The following KIF1A variants were observed in gnomAD, a reference collection of about 807,000 sequenced individuals.
The protein encoded by KIF1A is kinesin family member 1A, also known as kinesin-like protein KIF1A.
Under a neutral mutation model 227.3 loss-of-function variants are expected in KIF1A, and 46 were observed. The observed-to-expected ratio is 0.20, with a 90% CI of 0.16 to 0.26. The LOEUF (loss-of-function observed/expected upper bound fraction) is 0.26. Ranked by LOEUF, KIF1A falls within the 10% of genes least tolerant of loss-of-function variation. KIF1A has a pLI of 1.00. For synonymous variants in KIF1A, 1,022 were observed against 1,012.8 expected, an observed-to-expected ratio of 1.01 and a Z score of -0.17; for missense variants, 1,683 against 2,485.9, an observed-to-expected ratio of 0.68 and a Z score of 6.87.
In KIF1A at chr2:240,796,400, C is replaced by T. The variant is rs527619897; in HGVS notation, c.106+1247G>A. On this transcript the variant is annotated intron_variant, in intron 2 of 48. Coordinates refer to ENST00000498729, the MANE Select transcript of KIF1A (RefSeq NM_001244008.2). Reference sequence around the variant, plus strand: ...CCGGTAGGTGCATTGTGTTCATCCACGGGCCCCGGCAAGGCCAGGGCCCCG... The same window carrying T: ...CCGGTAGGTGCATTGTGTTCATCCATGGGCCCCGGCAAGGCCAGGGCCCCG... Among the ~76,000 whole-genome samples the T allele has an allele frequency of 7.2e-5, 11 of 152,314 alleles. No homozygotes were observed. The East Asian group carries it at 1.5e-3, about 21-fold the overall frequency.
intron 1 of KIF1A, among the ~76,000 whole-genome samples, chr2:240,800,540 A>T (rs1376088899): frequency 6.6e-6 from 1 of 152,226 alleles, no homozygotes; most frequent in Non-Finnish European, 1.5e-5. Context: ...GAGACTGGGA[A>T]TCTGGAGTCT....
At chr2:240,742,432 CCA>C (rs1356920278) in intron 34 of KIF1A, among the ~76,000 whole-genome samples, 4 of 152,182 alleles carry the variant, frequency 2.6e-5, no homozygotes, top group African/African-American at 9.7e-5. Flanking sequence ...GAAATAAACT[CCA>C]CTCTTTTAAC....
In KIF1A at chr2:240,789,150, C is replaced by T. The variant is rs765195081; in HGVS notation, c.183+86G>A. On this transcript the variant is annotated intron_variant, in intron 3 of 48. Coordinates refer to ENST00000498729, the MANE Select transcript of KIF1A (RefSeq NM_001244008.2). This position sits in a 1 kb window ranked among gnomAD's most constrained non-coding sequence, Gnocchi z 4.8. The stretch of plus-strand genomic sequence containing the variant: ...CTCGCCCCAGTTAGAGAGGAATGAG[C>T]GGCTCAGAGAAGTTGAGGGACCCCG... The T allele has an allele frequency of 2.2e-4, 239 of 1,071,498 alleles. 1 individual carries two copies. Among genetic ancestry groups the T allele is most frequent in the Non-Finnish European group, 3.1e-4 (214 of 698,512 alleles). The allele number at this position is 1,071,498 out of a possible 1,614,324, so 66.4% of individuals were successfully genotyped here. A position where few individuals can be genotyped will look rare whatever the true frequency, so the allele number is the denominator to read the frequency against.
At chr2:240,737,204 A>G (rs2047432595) in intron 37 of KIF1A, 36 bp from the exon 38 acceptor site, 1 of 1,578,680 alleles carries the variant, frequency 6.3e-7, no homozygotes, top group Non-Finnish European at 8.7e-7. Context: ...GTCACTTCCC[A>G]GGGGGCAGGT....
Position 240,737,356 on chromosome 2 carries a change from G to A in KIF1A, c.3902-188C>T, listed in dbSNP as rs535833554. ...CTCAGCAACCCAGGTGCCATGTGTA[G>A]TTGCTGCTCCACGGTCTTTCTTGTC... On this transcript the variant is annotated intron_variant, in intron 37 of 48. Transcript: ENST00000498729. 5.5e-5 allele frequency: 30 copies of A among 547,652 alleles called. 1 individual carries two copies. The East Asian group carries it at 8.4e-4, about 15-fold the overall frequency. The allele number at this position is 547,652 out of a possible 1,614,324, so 33.9% of individuals were successfully genotyped here.
intron 12 of KIF1A, among the ~76,000 whole-genome samples, chr2:240,773,739 A>G (rs955218421): frequency 1.3e-5 from 2 of 152,206 alleles, no homozygotes; most frequent in Non-Finnish European, 2.9e-5. Context: ...CACAGTCGAA[A>G]GAAGGGAGAG....
rs201423643 is a variant in KIF1A at position 240,737,128 on chromosome 2, G to T, written c.3942C>A (p.Ile1314=). The T allele has an allele frequency of 6.2e-7, 1 of 1,613,742 alleles. No homozygotes were observed. The highest frequency in any genetic ancestry group is 8.5e-7 in the Non-Finnish European group (1 of 1,179,708). ...RNTPETDESL[I]DPNILSLNIL... is the part of the protein sequence containing the mutation. ...TGTTGAGAGACAAGATGTTGGGGTC[G>T]ATCAGGGACTCGTCGGTCTCTGGAG... The change falls in exon 38 of 49, where the codon ATC becomes ATA. Residue 1314 remains isoleucine (I), a synonymous_variant. Coordinates refer to ENST00000498729, the MANE Select transcript of KIF1A (RefSeq NM_001244008.2).
chr2:240,718,325 C>T (rs1292474511), intron 47 of KIF1A, among the ~76,000 whole-genome samples, 157 bp from the exon 48 acceptor site: 1 of 152,206 alleles, frequency 6.6e-6, no homozygotes, highest in Non-Finnish European at 1.5e-5. Context: ...CTGACCCAGC[C>T]AGGGCTGTGA....
chr2:240,721,499 C>T (rs1442628104), intron 44 of KIF1A, among the ~76,000 whole-genome samples: 1 of 152,162 alleles, frequency 6.6e-6, no homozygotes, highest in Non-Finnish European at 1.5e-5. Flanking sequence ...CTGACTGGGC[C>T]AGAGGCCACA....
At position 240,725,276 on chromosome 2, in the gene KIF1A, T is replaced by C. The variant is rs2045885205; in HGVS notation, c.4251A>G (p.Ser1417=). 1 of 1,601,396 alleles carries C rather than the reference T, an allele frequency of 6.2e-7. No individual in the cohort carries two copies. Among genetic ancestry groups the C allele is most frequent in the East Asian group, 2.3e-5 (1 of 44,286 alleles). The change falls in exon 40 of 49, where the codon TCA becomes TCG. Residue 1417 remains serine, a synonymous_variant. Transcript: ENST00000498729. This position sits in a 1 kb window ranked among gnomAD's most constrained non-coding sequence, Gnocchi z 5.8. ...CCTCACCCCTGGGAGCTTACCTCTC[T>C]GAGGCCCGAAGGCTCCCACTGCCAA... The part of the protein sequence containing the change: ...NLFGSGSLRA[S]ESNRVTGVYE...
At chr2:240,742,579 C>T (rs1469033122) in intron 34 of KIF1A, among the ~76,000 whole-genome samples, 3 of 152,202 alleles carry the variant, frequency 2.0e-5, no homozygotes, top group Non-Finnish European at 2.9e-5. Flanking sequence ...CCTCCAGCCT[C>T]AGACCCCCGT....
intron 43 of KIF1A, 80 bp from the exon 44 acceptor site, chr2:240,721,964 A>T: frequency 8.5e-7 from 1 of 1,183,074 alleles, no homozygotes; most frequent in South Asian, 1.3e-5. Context: ...TCTTCTACCC[A>T]CCCCTCCCCA....
intron 14 of KIF1A, 199 bp from the exon 15 acceptor site, chr2:240,771,303 A>G (rs1037533926): frequency 2.2e-5 from 15 of 687,160 alleles, no homozygotes; most frequent in Non-Finnish European, 1.0e-5. Flanking sequence ...AACGAGGCAC[A>G]GCAGCCCTGC....
chr2:240,759,876 A>G (rs564861776), intron 25 of KIF1A, among the ~76,000 whole-genome samples: 4 of 152,232 alleles, frequency 2.6e-5, no homozygotes, highest in African/African-American at 9.6e-5. Flanking sequence ...GCTGGGTGTC[A>G]TAGTGCACTC....
chr2:240,785,432 A>G (rs1424493354), intron 6 of KIF1A, among the ~76,000 whole-genome samples: 4 of 152,170 alleles, frequency 2.6e-5, no homozygotes, highest in African/African-American at 9.6e-5. Context: ...TGGGAGGGGA[A>G]GGGGGAAAGG....
chr2:240,721,080 G>A (rs1272505204), intron 44 of KIF1A, 42 bp from the exon 45 acceptor site: 8 of 1,606,918 alleles, frequency 5.0e-6, no homozygotes, highest in Non-Finnish European at 6.8e-6. Flanking sequence ...AGGGAAGGGG[G>A]GTCTCCGGCC....
Position 240,772,603 on chromosome 2 carries a change from G to T in KIF1A, c.1181-7C>A, listed in dbSNP as rs1182450386. 6.5e-7 allele frequency: 1 copy of T among 1,545,324 alleles called. No homozygotes were observed. Among genetic ancestry groups the T allele is most frequent in the Non-Finnish European group, 8.8e-7 (1 of 1,142,398 alleles). On this transcript the variant is annotated splice_polypyrimidine_tract_variant and splice_region_variant and intron_variant, in intron 13 of 48. Coordinates refer to ENST00000498729, the MANE Select transcript of KIF1A (RefSeq NM_001244008.2). ...CCTCCAGGCACAGTGTTGGCTATGG[G>T]GGAGGGAAGCGTGGGGGAGGGGGAG...
Position 240,725,320 on chromosome 2 carries a change from G to A in KIF1A, c.4207C>T (p.Arg1403Cys), listed in dbSNP as rs1261842321. The A allele has an allele frequency of 2.2e-5, 35 of 1,610,790 alleles. No individual in the cohort carries two copies. Among genetic ancestry groups the A allele is most frequent in the Non-Finnish European group, 2.5e-5 (30 of 1,179,142 alleles). The change falls in exon 40 of 49, where the codon CGC becomes TGC. Residue 1403 changes from arginine (R) to cysteine (C), a missense_variant. Physicochemically the swap from Arg to Cys is radical, Grantham distance 180. Around this residue, in one of 12 missense-constraint regions of KIF1A, gnomAD observed 759 missense variants for 1,020.2 expected, o/e 0.74. Transcript: ENST00000498729. This position sits in a 1 kb window ranked among gnomAD's most constrained non-coding sequence, Gnocchi z 5.8. ...YSRDAKLPAS[R>C]SIRNLFGSGS... ...CTGCCAAAGAGGTTGCGGATGGAGCGCGAGGCTGGCAGCTTGGCATCACGG... is the reference window on the plus strand; with the variant it reads ...CTGCCAAAGAGGTTGCGGATGGAGCACGAGGCTGGCAGCTTGGCATCACGG...
chr2:240,730,578 A>C (rs1432178552), intron 38 of KIF1A, among the ~76,000 whole-genome samples: 1 of 152,210 alleles, frequency 6.6e-6, no homozygotes, highest in Non-Finnish European at 1.5e-5. Flanking sequence ...CAGGGAGGCG[A>C]TCTAACAGGC....
Sources: gnomAD v4.1 joint callset for allele counts (sites outside exome capture counted in the v4.1 genomes callset) on GRCh38, gnomAD v4.1.1 for gene constraint, gnomAD v4.1.1 regional missense constraint, Gnocchi (gnomAD v3.1) non-coding constraint, MANE v1.5 for transcripts, NCBI Gene and HGNC (gene_info 2026-07-23, HGNC 2026-07-21) for gene names.